Variants in HYDIN observed in about 807,000 individuals in gnomAD.
HYDIN encodes the protein axonemal central pair apparatus protein HYDIN.
HYDIN carries 132 observed loss-of-function variants against 403.9 expected under a neutral mutation model. The ratio of observed to expected loss-of-function variants is 0.33; its 90% CI spans 0.28 to 0.38. The LOEUF is 0.38. HYDIN is among the 10% of genes least tolerant of loss of function. The probability of loss-of-function intolerance (pLI) is 1.00; values close to 1 mark genes in which losing one functional copy is unlikely to be tolerated. For synonymous variants in HYDIN, 1,202 were observed against 1,891.7 expected (o/e 0.64, Z 9.46); for missense variants, 2,827 against 5,009.5 (o/e 0.56, Z 13.15).
intron 73 of HYDIN, 151 bp downstream of exon 73, chr16:70,854,977 A>C: frequency 1.8e-6 from 1 of 566,022 alleles, no homozygotes; most frequent in East Asian, 2.9e-5. Flanking sequence ...AACAGATATC[A>C]GGGAGTAAGT....
intron 13 of HYDIN, among the ~76,000 whole-genome samples, chr16:71,071,386 T>C (rs1340350530): frequency 1.3e-5 from 2 of 150,326 alleles, no homozygotes; most frequent in African/African-American, 5.0e-5. Flanking sequence ...CCTAGGTTTC[T>C]AGTTGCAACC....
chr16:71,213,560 T>C (rs235988), intron 1 of HYDIN, among the ~76,000 whole-genome samples: 26,286 of 152,070 alleles, frequency 0.17, 2,947 homozygotes, highest in Middle Eastern at 0.38. Context: ...AGGGAAAAAC[T>C]GAATAGTAAA....
At chr16:70,969,621 G>T (rs2078679585) in intron 36 of HYDIN, among the ~76,000 whole-genome samples, 2 of 152,074 alleles carry the variant, frequency 1.3e-5, no homozygotes, top group Middle Eastern at 3.2e-3. Context: ...CCTAACAACA[G>T]AGCTAAAGGT....
At position 70,955,456 on chromosome 16, in the gene HYDIN, T is replaced by A; in HGVS notation, c.6235A>T (p.Asn2079Tyr). Reference protein sequence around the residue: ...SIVLEAVANSNNIPGIRAREL... With the variant: ...SIVLEAVANSYNIPGIRAREL... ...CGGGCCCGGATCCCTGGGATGTTGT[T>A]GCTGTTGGCCACAGCTTCCAGCACA... The change falls in exon 40 of 86, where the codon AAC (asparagine) becomes TAC (tyrosine). Residue 2079 changes from asparagine (N) to tyrosine (Y), a missense_variant. Transcript: ENST00000393567. The A allele has an allele frequency of 1.4e-5, 22 of 1,614,004 alleles. No individual in the cohort carries two copies. The highest frequency in any genetic ancestry group is 1.9e-5 in the Non-Finnish European group (22 of 1,179,940).
chr16:70,956,326 C>T (rs966302826), intron 39 of HYDIN, among the ~76,000 whole-genome samples: 1 of 151,298 alleles, frequency 6.6e-6, no homozygotes, highest in Non-Finnish European at 1.5e-5. Context: ...CCATCATCCA[C>T]TCATTCAGGG....
intron 10 of HYDIN, among the ~76,000 whole-genome samples, chr16:71,094,968 A>T (rs1020364864): frequency 6.7e-6 from 1 of 149,672 alleles, no homozygotes; most frequent in African/African-American, 2.5e-5. Context: ...TTGACATCTA[A>T]AATGAAGTCC....
chr16:71,065,900 A>G (rs1235683512), intron 15 of HYDIN, among the ~76,000 whole-genome samples: 1 of 152,184 alleles, frequency 6.6e-6, no homozygotes, highest in Non-Finnish European at 1.5e-5. Context: ...TACAGATTAC[A>G]CCAAAAATAA....
At chr16:71,153,162 T>G (rs1043694285) in intron 6 of HYDIN, among the ~76,000 whole-genome samples, 1 of 152,118 alleles carries the variant, frequency 6.6e-6, no homozygotes, top group Non-Finnish European at 1.5e-5. Context: ...AGGAACAGAC[T>G]TAAAATATGT....
chr16:71,229,897 G>A (rs1024122167), intron 1 of HYDIN, among the ~76,000 whole-genome samples: 3 of 152,184 alleles, frequency 2.0e-5, no homozygotes, highest in African/African-American at 7.2e-5. Flanking sequence ...CACGTGTCAT[G>A]GGAGGGACCC....
At chr16:71,130,806 CCCT>C (rs201201610) in intron 8 of HYDIN, among the ~76,000 whole-genome samples, 12,821 of 152,064 alleles carry the variant, frequency 0.084, 1,799 homozygotes, top group African/African-American at 0.29. Context: ...GGTTTTCTCC[CCCT>C]GTCAACCATA....
chr16:71,116,131 G>T (rs1003646092), intron 9 of HYDIN, among the ~76,000 whole-genome samples: 9 of 150,358 alleles, frequency 6.0e-5, no homozygotes, highest in African/African-American at 2.0e-4. Context: ...CTACAAGTTT[G>T]TACCCTTTGA....
intron 42 of HYDIN, among the ~76,000 whole-genome samples, chr16:70,942,185 C>T (rs375346195): frequency 9.7e-4 from 146 of 150,114 alleles, no homozygotes; most frequent in Admixed American, 3.6e-3. Context: ...CCACCAGGCC[C>T]GGCTAATTTT....
In HYDIN at chr16:71,045,326, T is replaced by C. The variant is rs1175804527; in HGVS notation, c.2530-13409A>G. 3.3e-5 allele frequency among the ~76,000 whole-genome samples: 5 copies of C among 152,180 alleles called. No homozygotes were observed. The East Asian group carries it at 7.7e-4, about 23-fold the overall frequency. The stretch of plus-strand genomic sequence containing the variant: ...CTCCTTGTTCTTAGAGGGAAATAGT[T>C]TGGAATGACAGATTAAATAGAAAGG... On this transcript the variant is annotated intron_variant, in intron 18 of 85. Transcript: ENST00000393567.
At chr16:71,093,789 A>C (rs1372118901) in intron 11 of HYDIN, 28 bp downstream of exon 11, 2 of 1,605,716 alleles carry the variant, frequency 1.2e-6, no homozygotes, top group African/African-American at 2.7e-5. Flanking sequence ...TACTGTTTGA[A>C]GTATCAACGA....
At chr16:70,878,951 T>C (rs2040613011) in intron 62 of HYDIN, among the ~76,000 whole-genome samples, 1 of 143,122 alleles carries the variant, frequency 7.0e-6, no homozygotes, top group Non-Finnish European at 1.5e-5. Flanking sequence ...GAAGTTTCTT[T>C]TATCATCTTA....
intron 58 of HYDIN, among the ~76,000 whole-genome samples, chr16:70,887,873 CA>C: frequency 6.6e-6 from 1 of 152,034 alleles, no homozygotes; most frequent in East Asian, 1.9e-4. Context: ...TTAGTAGAGA[CA>C]GGGTTTCACT....
chr16:70,985,048 T>C, intron 28 of HYDIN, 137 bp downstream of exon 28: 1 of 837,972 alleles, frequency 1.2e-6, no homozygotes, highest in African/African-American at 1.7e-5. Flanking sequence ...TGGATTTATT[T>C]TTTTTTTCTG....
At chr16:70,908,222 AC>A in intron 49 of HYDIN, 29 bp downstream of exon 49, 1 of 1,474,500 alleles carries the variant, frequency 6.8e-7, no homozygotes, top group African/African-American at 1.4e-5. Context: ...ACATCTGTCA[AC>A]CTTTTCTTTT....
In HYDIN at chr16:70,803,234, T is replaced by G. The variant is rs2034970435; in HGVS notation, c.*4346A>C. On this transcript the variant is annotated 3_prime_UTR_variant, in exon 86 of 86. Transcript: ENST00000393567. The stretch of plus-strand genomic sequence containing the variant: ...TCAGGTTGCTAAGTAACCAGTTTTT[T>G]ATTCAAGGCCCAGACCAATGCCTAC... 6.6e-6 allele frequency among the ~76,000 whole-genome samples: 1 copy of G among 152,244 alleles called. No homozygotes were observed. Among genetic ancestry groups the G allele is most frequent in the Admixed American group, 6.5e-5 (1 of 15,286 alleles).
Sources: gnomAD v4.1 joint callset for allele counts (sites outside exome capture counted in the v4.1 genomes callset) on GRCh38, gnomAD v4.1.1 for gene constraint, MANE v1.5 for transcripts, NCBI Gene and HGNC (gene_info 2026-07-23, HGNC 2026-07-21) for gene names.